The following ATG16L1 variants were observed in gnomAD, a reference collection of about 807,000 sequenced individuals.
ATG16L1 encodes autophagy-related protein 16-1.
A neutral mutation model predicts 88.5 loss-of-function variants in ATG16L1; 37 were observed. The ratio of observed to expected loss-of-function variants is 0.42; its 90% CI spans 0.32 to 0.55. ATG16L1 has a LOEUF of 0.55. Among genes scored for constraint, ATG16L1 ranks in the 20% least tolerant of loss-of-function variants. The pLI, the probability that ATG16L1 is intolerant of heterozygous loss-of-function variation, is 0.13. For synonymous variants in ATG16L1, 301 were observed against 281.0 expected (o/e 1.07, Z -0.71); for missense variants, 554 against 752.8 (o/e 0.74, Z 3.09).
At chr2:233,259,383 G>A (rs937258886) in intron 2 of ATG16L1, among the ~76,000 whole-genome samples, 1 of 152,144 alleles carries the variant, frequency 6.6e-6, no homozygotes, top group Admixed American at 6.5e-5. Flanking sequence ...ATTCACACAG[G>A]CCCAGTTGAA....
intron 5 of ATG16L1, among the ~76,000 whole-genome samples, chr2:233,269,462 A>T (rs1344587062): frequency 6.6e-6 from 1 of 152,200 alleles, no homozygotes; most frequent in Admixed American, 6.5e-5. Flanking sequence ...GGAAGTACTC[A>T]TTGGAGCACT....
chr2:233,267,152 C>T (rs941460526), intron 5 of ATG16L1, among the ~76,000 whole-genome samples: 1 of 152,178 alleles, frequency 6.6e-6, no homozygotes, highest in Admixed American at 6.5e-5. Context: ...AATTCGAGAC[C>T]AGCCTGGCCA....
At chr2:233,285,682 A>G (rs982926692) in intron 12 of ATG16L1, among the ~76,000 whole-genome samples, 1 of 152,172 alleles carries the variant, frequency 6.6e-6, no homozygotes, top group African/African-American at 2.4e-5. Context: ...CGAAAACCTT[A>G]CCAGGTTCCA....
rs773915958 is a variant in ATG16L1, at chr2:233,277,645, C to T, written c.1032C>T (p.Arg344=). 6.2e-7 allele frequency: 1 copy of T among 1,613,984 alleles called. No individual in the cohort carries two copies. Among genetic ancestry groups the T allele is most frequent in the South Asian group, 1.1e-5 (1 of 91,072 alleles). The part of the protein sequence containing the change: ...SRLLATGGMD[R]RVKLWEVFGE... ...TACTGGCCACTGGAGGCATGGACCG[C>T]AGGGTTAAGCTTTGGGAAGTATTTG... Residue 344 remains arginine, a synonymous_variant, in exon 10 of 18, where the codon CGC becomes CGT. Coordinates refer to ENST00000392017, the MANE Select transcript of ATG16L1 (RefSeq NM_030803.7).
At chr2:233,289,376 G>GGTGTGTGTGTGTGT (rs757994844) in intron 12 of ATG16L1, among the ~76,000 whole-genome samples, 82 of 55,312 alleles carry the variant, frequency 1.5e-3, no homozygotes, top group Non-Finnish European at 2.8e-3. Context: ...TCCTGTTTGG[G>GGTGTGTGTGTGTGT]ATGTGTGTGT....
At chr2:233,256,019 T>A in intron 1 of ATG16L1, 83 bp from the exon 2 acceptor site, 1 of 1,081,312 alleles carries the variant, frequency 9.2e-7, no homozygotes, top group South Asian at 1.3e-5. Flanking sequence ...ATTGCATCCT[T>A]CAATACATGA....
In ATG16L1 at chr2:233,281,175, T is replaced by G. The variant is rs751696000; in HGVS notation, c.1131T>G (p.Ala377=). ...TTACAAGCATTGAATTTGATAGTGC[T>G]GTAAGTATTGAATAGCTATGATTTT... ...AGITSIEFDS[A]GSYLLAASND... The change falls in exon 11 of 18, where the codon GCT becomes GCG. Residue 377 remains alanine (A), a splice_region_variant and synonymous_variant. Coordinates refer to ENST00000392017, the MANE Select transcript of ATG16L1 (RefSeq NM_030803.7). 1.9e-6 allele frequency: 3 copies of G among 1,590,140 alleles called. No homozygotes were observed. The South Asian group carries it at 3.5e-5, about 18-fold the overall frequency.
At chr2:233,271,790 TCTC>T (rs1698014648) in intron 6 of ATG16L1, among the ~76,000 whole-genome samples, 1 of 152,214 alleles carries the variant, frequency 6.6e-6, no homozygotes, top group African/African-American at 2.4e-5. Context: ...TCTTTGCAGT[TCTC>T]CTCTCTTCCT....
rs191016858 is a variant in ATG16L1, at chr2:233,254,799, A to C, written c.116-1303A>C. ...CCCAGGAGTTCTCTTTTCAGGTATC[A>C]AAAAGTGGGACTCAAAACTCTTTAA... On this transcript the variant is annotated intron_variant, in intron 1 of 17. Transcript: ENST00000392017. Among the ~76,000 whole-genome samples the C allele has an allele frequency of 2.1e-4, 32 of 152,260 alleles. No homozygotes were observed. The East Asian group carries it at 5.6e-3, about 27-fold the overall frequency.
At chr2:233,287,641 G>C (rs1263857983) in intron 12 of ATG16L1, among the ~76,000 whole-genome samples, 1 of 152,236 alleles carries the variant, frequency 6.6e-6, no homozygotes, top group East Asian at 1.9e-4. Flanking sequence ...ACTTTGGGAA[G>C]CCGAGGCAGG....
At chr2:233,270,955 T>G (rs941185297) in intron 6 of ATG16L1, among the ~76,000 whole-genome samples, 1 of 152,208 alleles carries the variant, frequency 6.6e-6, no homozygotes, top group African/African-American at 2.4e-5. Context: ...CTAGGAGTCA[T>G]TCACCAACTA....
At chr2:233,267,178 G>A (rs1443445204) in intron 5 of ATG16L1, among the ~76,000 whole-genome samples, 2 of 152,104 alleles carry the variant, frequency 1.3e-5, no homozygotes, top group African/African-American at 4.8e-5. Flanking sequence ...GTGAAACCCC[G>A]TCTCTAATAA....
intron 12 of ATG16L1, among the ~76,000 whole-genome samples, chr2:233,288,145 TGA>T (rs1197985768): frequency 6.6e-6 from 1 of 152,176 alleles, no homozygotes; most frequent in Non-Finnish European, 1.5e-5. Flanking sequence ...TAAGGCAGTC[TGA>T]GAACTCATAC....
chr2:233,273,189 C>T (rs1477935749), intron 7 of ATG16L1, 137 bp downstream of exon 7: 2 of 662,430 alleles, frequency 3.0e-6, no homozygotes, highest in African/African-American at 3.6e-5. Flanking sequence ...GTCGAACACA[C>T]CACAGAGGTG....
intron 6 of ATG16L1, among the ~76,000 whole-genome samples, 171 bp downstream of exon 6, chr2:233,270,238 A>G (rs150796644): frequency 5.1e-4 from 78 of 152,116 alleles, no homozygotes; most frequent in African/African-American, 1.9e-3. Context: ...ATTTCTGTAA[A>G]ATCATCTTAC....
chr2:233,274,694 C>T lies in ATG16L1; in HGVS notation c.870C>T (p.Ser290=). The T allele has an allele frequency of 1.2e-6, 2 of 1,610,434 alleles. No homozygotes were observed. Among genetic ancestry groups the T allele is most frequent in the Non-Finnish European group, 1.7e-6 (2 of 1,176,828 alleles). Residue 290 remains serine, a synonymous_variant, in exon 9 of 18, where the codon TCC becomes TCT. Coordinates refer to ENST00000392017, the MANE Select transcript of ATG16L1 (RefSeq NM_030803.7). The part of the protein sequence containing the change: ...TNIFGRRSVS[S]FPVPQDNVDT... Reference sequence around the variant, plus strand: ...TTCTTAGGAGACGCTCTGTCTCTTCCTTCCCAGTCCCCCAGGACAATGTGG... The same window carrying T: ...TTCTTAGGAGACGCTCTGTCTCTTCTTTCCCAGTCCCCCAGGACAATGTGG...
chr2:233,265,296 T>C (rs1697486117), intron 5 of ATG16L1, among the ~76,000 whole-genome samples, 153 bp downstream of exon 5: 1 of 152,176 alleles, frequency 6.6e-6, no homozygotes, highest in African/African-American at 2.4e-5. Flanking sequence ...CTGAACAATA[T>C]AAATTAAACC....
intron 17 of ATG16L1, 138 bp downstream of exon 17, chr2:233,293,495 T>C: frequency 1.3e-6 from 1 of 757,376 alleles, no homozygotes; most frequent in Non-Finnish European, 2.3e-6. Flanking sequence ...CTGAGCTAGG[T>C]CAGTGGAGAG....
At chr2:233,277,765 C>A in intron 10 of ATG16L1, 92 bp downstream of exon 10, 1 of 1,186,506 alleles carries the variant, frequency 8.4e-7, no homozygotes, top group Non-Finnish European at 1.2e-6. Flanking sequence ...ATCTGGTTGA[C>A]CTTGCTTTCA....
Sources: gnomAD v4.1 joint callset for allele counts (sites outside exome capture counted in the v4.1 genomes callset) on GRCh38, gnomAD v4.1.1 for gene constraint, MANE v1.5 for transcripts, NCBI Gene and HGNC (gene_info 2026-07-23, HGNC 2026-07-21) for gene names.